The following CAMK4 variants were observed in gnomAD, a reference collection of about 807,000 sequenced individuals.
CAMK4 encodes the protein calcium/calmodulin dependent protein kinase IV.
CAMK4 carries 22 observed loss-of-function variants against 44.9 expected under a neutral mutation model. That is an observed-to-expected ratio of 0.49 (90% confidence interval 0.35 to 0.70). The LOEUF (loss-of-function observed/expected upper bound fraction) is 0.70, where lower values mean the gene tolerates loss of function less well. CAMK4 is among the 30% of genes least tolerant of loss of function. CAMK4 has a pLI of 0.01. For missense variants in CAMK4, 498 were observed against 586.8 expected, an observed-to-expected ratio of 0.85 and a Z score of 1.56; for synonymous variants, 218 against 215.4, an observed-to-expected ratio of 1.01 and a Z score of -0.11.
intron 1 of CAMK4, among the ~76,000 whole-genome samples, chr5:111,259,338 G>C (rs1164437433): frequency 6.6e-6 from 1 of 152,194 alleles, no homozygotes; most frequent in Non-Finnish European, 1.5e-5. Context: ...AGAGCAGTCA[G>C]AGAAAAGTTG....
intron 4 of CAMK4, among the ~76,000 whole-genome samples, chr5:111,388,065 CT>C (rs1192182654): frequency 6.6e-6 from 1 of 152,108 alleles, no homozygotes; most frequent in Admixed American, 6.6e-5. Context: ...AAAACTAACC[CT>C]GTGACAATCT....
chr5:111,407,138 G>A (rs1230054172), intron 5 of CAMK4, among the ~76,000 whole-genome samples: 1 of 152,066 alleles, frequency 6.6e-6, no homozygotes, highest in African/African-American at 2.4e-5. Context: ...TGGATCACGA[G>A]GTCAGGAGTT....
At position 111,372,813 on chromosome 5, in the gene CAMK4, G is replaced by T. The variant is rs150895848; in HGVS notation, c.241-2037G>T. On this transcript the variant is annotated intron_variant, in intron 2 of 10. Coordinates refer to ENST00000282356, the MANE Select transcript of CAMK4 (RefSeq NM_001744.6). ...TAGCACTGGATGTATCAAGATGTGC[G>T]TCTTCCTTTACTCCTTTGCTGCAAA... Among the ~76,000 whole-genome samples, 1,156 of 152,226 alleles carry T rather than the reference G, an allele frequency of 7.6e-3. 17 individuals are homozygous for T. Among genetic ancestry groups the T allele is most frequent in the African/African-American group, 0.027 (1,110 of 41,536 alleles).
chr5:111,260,645 C>A (rs1490954638), intron 1 of CAMK4, among the ~76,000 whole-genome samples: 1 of 152,158 alleles, frequency 6.6e-6, no homozygotes, highest in African/African-American at 2.4e-5. Context: ...CTCTTCCTGT[C>A]TTTTCTTACA....
At chr5:111,229,557 T>C (rs1220245478) in intron 1 of CAMK4, among the ~76,000 whole-genome samples, 1 of 152,232 alleles carries the variant, frequency 6.6e-6, no homozygotes, top group Non-Finnish European at 1.5e-5. Context: ...TTCTCCTTTT[T>C]TTTGGTCAAC....
At chr5:111,458,725 CA>C (rs1754528021) in intron 7 of CAMK4, among the ~76,000 whole-genome samples, 1 of 151,904 alleles carries the variant, frequency 6.6e-6, no homozygotes, top group South Asian at 2.1e-4. Flanking sequence ...AATATATAAG[CA>C]AAAATTTGAG....
At chr5:111,248,559 T>C (rs1749344323) in intron 1 of CAMK4, among the ~76,000 whole-genome samples, 1 of 151,720 alleles carries the variant, frequency 6.6e-6, no homozygotes, top group African/African-American at 2.4e-5. Context: ...TGAAAGCGAA[T>C]CTGGTTTTAT....
rs748128916 is a variant in CAMK4, at chr5:111,484,498, C to T, written c.*32C>T. The stretch of plus-strand genomic sequence containing the variant: ...TCCTTCAGATCTGGAAGCCAAACAC[C>T]GGCATTTTATGTACTTTGTCCTTCA... On this transcript the variant is annotated 3_prime_UTR_variant, in exon 11 of 11. Coordinates refer to ENST00000282356, the MANE Select transcript of CAMK4 (RefSeq NM_001744.6). This position sits in a 1 kb window ranked among gnomAD's most constrained non-coding sequence, Gnocchi z 5.3. 6 of 1,398,240 alleles carry T rather than the reference C, an allele frequency of 4.3e-6. No individual in the cohort carries two copies. Among genetic ancestry groups the T allele is most frequent in the Admixed American group, 2.4e-5 (1 of 42,074 alleles). The allele number at this position is 1,398,240 out of a possible 1,614,324, so 86.6% of individuals were successfully genotyped here. A position where few individuals can be genotyped will look rare whatever the true frequency, so the allele number is the denominator to read the frequency against.
chr5:111,275,463 A>C (rs991973591), intron 1 of CAMK4, among the ~76,000 whole-genome samples: 1 of 152,040 alleles, frequency 6.6e-6, no homozygotes, highest in African/African-American at 2.4e-5. Flanking sequence ...GCTCACCATT[A>C]CATCTTTGCT....
At position 111,494,824 on chromosome 5, in the gene CAMK4, TG is replaced by T. The variant is rs1346792847; in HGVS notation, c.*10361del. ...CCCAAAGAAGCCTATATCTTGCTGC[TG>T]GGAAATGTAAAGCAGTTGGCATGTA... On this transcript the variant is annotated 3_prime_UTR_variant, in exon 11 of 11. Coordinates refer to ENST00000282356, the MANE Select transcript of CAMK4 (RefSeq NM_001744.6). 1 of 152,150 alleles carries T rather than the reference TG, an allele frequency of 6.6e-6. No homozygotes were observed. Among genetic ancestry groups the T allele is most frequent in the Non-Finnish European group, 1.5e-5 (1 of 68,026 alleles). 9.4% of individuals were successfully genotyped at this position (152,150 alleles called of 1,614,324 possible).
chr5:111,363,279 A>G (rs1305813052), intron 2 of CAMK4, among the ~76,000 whole-genome samples: 1 of 152,114 alleles, frequency 6.6e-6, no homozygotes, highest in African/African-American at 2.4e-5. Context: ...AAGTGGCAGG[A>G]TGAGAACTGA....
rs372324350 is a variant in CAMK4 at position 111,403,219 on chromosome 5, AGG to A, written c.459+8439_459+8440del. ...TGATTTGAAGGGACAATGAAGTTTA[AGG>A]GTTTTGAAAATAAAATTGCTTTTGA... On this transcript the variant is annotated intron_variant, in intron 5 of 10. Coordinates refer to ENST00000282356, the MANE Select transcript of CAMK4 (RefSeq NM_001744.6). Among the ~76,000 whole-genome samples, 1,249 of 152,346 alleles carry A rather than the reference AGG, an allele frequency of 8.2e-3. 14 individuals are homozygous for A. Among genetic ancestry groups the A allele is most frequent in the African/African-American group, 0.028 (1,161 of 41,582 alleles).
intron 1 of CAMK4, among the ~76,000 whole-genome samples, chr5:111,267,039 G>T (rs916566258): frequency 6.6e-6 from 1 of 152,050 alleles, no homozygotes; most frequent in Non-Finnish European, 1.5e-5. Context: ...CTACTTTCCA[G>T]CTGTTGCCTT....
intron 5 of CAMK4, among the ~76,000 whole-genome samples, chr5:111,443,241 A>C (rs1580759644): frequency 3.8e-5 from 3 of 78,992 alleles, no homozygotes; most frequent in South Asian, 4.5e-4. Context: ...GCCTCCCCCT[A>C]CCATATATAT....
intron 5 of CAMK4, among the ~76,000 whole-genome samples, chr5:111,443,242 C>CTATATATATATATATA (rs1753888099): frequency 3.0e-5 from 2 of 65,824 alleles, no homozygotes; most frequent in African/African-American, 6.6e-5. Context: ...CCTCCCCCTA[C>CTATATATATATATATA]CATATATATA....
chr5:111,429,392 C>G (rs1008814817), intron 5 of CAMK4, among the ~76,000 whole-genome samples: 6 of 152,048 alleles, frequency 3.9e-5, no homozygotes, highest in African/African-American at 1.4e-4. Context: ...AAGAAATGGA[C>G]AAGTTCCTAG....
At chr5:111,330,370 G>A (rs1749112622) in intron 1 of CAMK4, among the ~76,000 whole-genome samples, 1 of 151,696 alleles carries the variant, frequency 6.6e-6, no homozygotes. Flanking sequence ...GATACACACT[G>A]TAAATGGATT....
chr5:111,270,326 C>T (rs1272186991), intron 1 of CAMK4, among the ~76,000 whole-genome samples: 1 of 152,186 alleles, frequency 6.6e-6, no homozygotes, highest in Non-Finnish European at 1.5e-5. Context: ...CTGTCCATTT[C>T]TTAATTCACC....
chr5:111,493,645 A>G lies in CAMK4; in HGVS notation c.*9179A>G, dbSNP rs1755942531. The G allele has an allele frequency of 6.6e-6, 1 of 152,128 alleles. No individual in the cohort carries two copies. Among genetic ancestry groups the G allele is most frequent in the Non-Finnish European group, 1.5e-5 (1 of 68,018 alleles). 9.4% of individuals were successfully genotyped at this position (152,128 alleles called of 1,614,324 possible). ...TCAGAACTTGTTTCTCCAAACATCA[A>G]CCTGCTCCTGTCAAGTCCTTTTTCA... On this transcript the variant is annotated 3_prime_UTR_variant, in exon 11 of 11. Coordinates refer to ENST00000282356, the MANE Select transcript of CAMK4 (RefSeq NM_001744.6). This position sits in a 1 kb window ranked among gnomAD's most constrained non-coding sequence, Gnocchi z 4.1.
Sources: gnomAD v4.1 joint callset for allele counts (sites outside exome capture counted in the v4.1 genomes callset) on GRCh38, gnomAD v4.1.1 for gene constraint, Gnocchi (gnomAD v3.1) non-coding constraint, MANE v1.5 for transcripts, NCBI Gene and HGNC (gene_info 2026-07-23, HGNC 2026-07-21) for gene names.